ADAMTS17: variants seen among roughly 807,000 people sequenced by gnomAD.
ADAMTS17 encodes the protein ADAM metallopeptidase with thrombospondin type 1 motif 17.
Under a neutral mutation model 141.5 loss-of-function variants are expected in ADAMTS17, and 113 were observed. The ratio of observed to expected loss-of-function variants is 0.80; its 90% CI spans 0.69 to 0.93. ADAMTS17 has a LOEUF of 0.93. ADAMTS17 is among the 40% of genes least tolerant of loss of function. The probability of loss-of-function intolerance (pLI) is 0.00; values close to 1 mark genes in which losing one functional copy is unlikely to be tolerated. For missense variants in ADAMTS17, 1,659 were observed against 1,517.9 expected (o/e 1.09, Z -1.54); for synonymous variants, 768 against 630.6 (o/e 1.22, Z -3.27).
At chr15:100,246,581 C>G (rs1235357405) in intron 7 of ADAMTS17, among the ~76,000 whole-genome samples, 1 of 152,148 alleles carries the variant, frequency 6.6e-6, no homozygotes, top group Admixed American at 6.5e-5. Flanking sequence ...GAGTAGACAC[C>G]AACGACATAG....
chr15:100,093,843 G>A (rs774367860), intron 15 of ADAMTS17, among the ~76,000 whole-genome samples: 21 of 152,154 alleles, frequency 1.4e-4, no homozygotes, highest in Non-Finnish European at 2.4e-4. Flanking sequence ...TATACCTAGC[G>A]GTTAAAATGT....
At chr15:100,281,071 T>C (rs1221241082) in intron 4 of ADAMTS17, among the ~76,000 whole-genome samples, 158 bp downstream of exon 4, 2 of 152,192 alleles carry the variant, frequency 1.3e-5, no homozygotes, top group Non-Finnish European at 2.9e-5. Flanking sequence ...CCCCAGTTAC[T>C]TGCCCTCCTC....
intron 18 of ADAMTS17, among the ~76,000 whole-genome samples, chr15:100,013,235 G>A (rs762424760): frequency 1.6e-4 from 24 of 152,052 alleles, no homozygotes; most frequent in South Asian, 6.2e-4. Flanking sequence ...CATTAATCTT[G>A]TTTCTGGAAA....
chr15:100,190,805 G>A (rs575482396), intron 8 of ADAMTS17, among the ~76,000 whole-genome samples: 37 of 152,338 alleles, frequency 2.4e-4, no homozygotes, highest in African/African-American at 7.9e-4. Flanking sequence ...AGCCAAAGGT[G>A]TCTTTTCAAG....
chr15:99,978,195 G>A (rs781680298), intron 20 of ADAMTS17, among the ~76,000 whole-genome samples: 3 of 152,320 alleles, frequency 2.0e-5, no homozygotes, highest in South Asian at 4.1e-4. Context: ...GTGGGAGGCG[G>A]TGGTGTCCCA....
At chr15:100,259,522 G>T (rs1045307061) in intron 6 of ADAMTS17, among the ~76,000 whole-genome samples, 1 of 152,200 alleles carries the variant, frequency 6.6e-6, no homozygotes, top group Admixed American at 6.5e-5. Context: ...AAAAGCATGG[G>T]CCAGGTCATG....
intron 7 of ADAMTS17, among the ~76,000 whole-genome samples, chr15:100,222,948 G>A (rs1396883181): frequency 2.7e-4 from 41 of 152,200 alleles, no homozygotes; most frequent in Non-Finnish European, 5.9e-5. Flanking sequence ...AAATCACAAA[G>A]GGGTGTTTCC....
intron 20 of ADAMTS17, among the ~76,000 whole-genome samples, chr15:99,986,025 C>T (rs1017304014): frequency 2.6e-5 from 4 of 152,218 alleles, no homozygotes; most frequent in Non-Finnish European, 5.9e-5. Flanking sequence ...AGTCACTGTC[C>T]ACTCTTGTAC....
intron 10 of ADAMTS17, among the ~76,000 whole-genome samples, chr15:100,148,741 G>C (rs2039025227): frequency 6.6e-6 from 1 of 151,954 alleles, no homozygotes; most frequent in South Asian, 2.1e-4. Flanking sequence ...AGGAGATGTG[G>C]ATGCTGCACA....
intron 8 of ADAMTS17, among the ~76,000 whole-genome samples, chr15:100,175,928 C>A (rs2040323005): frequency 6.6e-6 from 1 of 152,184 alleles, no homozygotes; most frequent in Admixed American, 6.5e-5. Flanking sequence ...CAAGTCTTTT[C>A]TTTTTAGGAC....
chr15:100,093,266 G>A (rs1229950639), intron 15 of ADAMTS17, among the ~76,000 whole-genome samples: 1 of 152,144 alleles, frequency 6.6e-6, no homozygotes, highest in Non-Finnish European at 1.5e-5. Context: ...GTCTGCCCTG[G>A]ATTCTCAGCT....
At chr15:100,324,451 T>G (rs2045837163) in intron 3 of ADAMTS17, among the ~76,000 whole-genome samples, 1 of 152,232 alleles carries the variant, frequency 6.6e-6, no homozygotes, top group African/African-American at 2.4e-5. Context: ...AATTTACACC[T>G]GCTACATTCA....
At chr15:100,223,284 A>T (rs1333763499) in intron 7 of ADAMTS17, among the ~76,000 whole-genome samples, 3 of 152,200 alleles carry the variant, frequency 2.0e-5, no homozygotes, top group Non-Finnish European at 4.4e-5. Context: ...GATTTTTCCA[A>T]AGCCACCAAA....
In ADAMTS17 at chr15:99,974,299, C is replaced by T; in HGVS notation, c.*103G>A. 3 of 1,494,988 alleles carry T rather than the reference C, an allele frequency of 2.0e-6. No homozygotes were observed. The highest frequency in any genetic ancestry group is 2.8e-6 in the Non-Finnish European group (3 of 1,080,492). The allele number at this position is 1,494,988 out of a possible 1,614,324, so 92.6% of individuals were successfully genotyped here. ...CGCTCATGTTCTATGTAGTTGGATT[C>T]TTGTGGCAGCCGGGTGGGGGCGTGG... On this transcript the variant is annotated 3_prime_UTR_variant, in exon 22 of 22. Coordinates refer to ENST00000268070, the MANE Select transcript of ADAMTS17 (RefSeq NM_139057.4).
intron 12 of ADAMTS17, among the ~76,000 whole-genome samples, chr15:100,125,789 G>C (rs944220467): frequency 2.6e-5 from 4 of 152,092 alleles, no homozygotes; most frequent in Non-Finnish European, 5.9e-5. Flanking sequence ...ACGTCAGCTA[G>C]CAAAAAATAA....
intron 3 of ADAMTS17, among the ~76,000 whole-genome samples, chr15:100,301,754 A>G (rs530913359): frequency 6.6e-6 from 1 of 152,296 alleles, no homozygotes; most frequent in Admixed American, 6.5e-5. Context: ...TATCGAAGTC[A>G]AGAACAATTT....
intron 2 of ADAMTS17, among the ~76,000 whole-genome samples, chr15:100,333,841 G>A (rs1223785123): frequency 3.3e-5 from 5 of 152,338 alleles, no homozygotes; most frequent in South Asian, 4.1e-4. Context: ...GCCTGCAACC[G>A]TCCTCCAAAG....
chr15:100,067,312 G>A (rs916276030), intron 15 of ADAMTS17, among the ~76,000 whole-genome samples: 10 of 150,430 alleles, frequency 6.6e-5, no homozygotes, highest in African/African-American at 1.5e-4. Context: ...CTTTTCCACT[G>A]TCTTCCCTTA....
At chr15:100,206,039 G>A (rs997284247) in intron 7 of ADAMTS17, among the ~76,000 whole-genome samples, 5 of 152,200 alleles carry the variant, frequency 3.3e-5, no homozygotes, top group Admixed American at 1.3e-4. Context: ...CCCTCAGTGA[G>A]CCACACCCTC....
Sources: gnomAD v4.1 joint callset for allele counts (sites outside exome capture counted in the v4.1 genomes callset) on GRCh38, gnomAD v4.1.1 for gene constraint, MANE v1.5 for transcripts, NCBI Gene and HGNC (gene_info 2026-07-23, HGNC 2026-07-21) for gene names.